The following CYRIA variants were observed in gnomAD, a reference collection of about 807,000 sequenced individuals.
CYRIA encodes CYFIP related Rac1 interactor A.
Under a neutral mutation model 43.9 loss-of-function variants are expected in CYRIA, and 15 were observed. That is an observed-to-expected ratio of 0.34 (90% CI 0.23 to 0.53). The LOEUF is 0.53. Ranked by LOEUF, CYRIA falls within the 20% of genes least tolerant of loss-of-function variation. The probability of loss-of-function intolerance (pLI) is 0.94; values close to 1 mark genes in which losing one functional copy is unlikely to be tolerated. For missense variants in CYRIA, 236 were observed against 394.2 expected (o/e 0.60, Z 3.40); for synonymous variants, 117 against 136.0 (o/e 0.86, Z 0.97).
At chr2:16,561,924 C>T (rs1666750098) in intron 6 of CYRIA, 81 bp downstream of exon 6, 1 of 1,377,224 alleles carries the variant, frequency 7.3e-7, no homozygotes, top group Non-Finnish European at 9.9e-7. Flanking sequence ...ACCCACCCAC[C>T]CCACAGCACT....
chr2:16,584,988 T>C (rs1667675138), intron 3 of CYRIA, among the ~76,000 whole-genome samples: 1 of 152,172 alleles, frequency 6.6e-6, no homozygotes, highest in African/African-American at 2.4e-5. Flanking sequence ...TGAGTGACTA[T>C]TGTCCTTCAC....
intron 1 of CYRIA, among the ~76,000 whole-genome samples, chr2:16,656,344 C>A (rs1023217896): frequency 3.9e-5 from 6 of 152,124 alleles, no homozygotes; most frequent in African/African-American, 1.4e-4. Flanking sequence ...CCACACACAT[C>A]CATTCAAACC....
At chr2:16,561,583 G>GTATA (rs1328319400) in intron 6 of CYRIA, 50 bp from the exon 7 acceptor site, 1 of 1,387,020 alleles carries the variant, frequency 7.2e-7, no homozygotes, top group Admixed American at 1.7e-5. Flanking sequence ...ATCAGATGGG[G>GTATA]TATATGCATT....
At chr2:16,644,297 C>T (rs954895464) in intron 1 of CYRIA, among the ~76,000 whole-genome samples, 4 of 152,218 alleles carry the variant, frequency 2.6e-5, no homozygotes, top group African/African-American at 7.2e-5. Context: ...GTGAATCACA[C>T]ATCCCAATTA....
At chr2:16,660,348 T>C (rs1670215356) in intron 1 of CYRIA, among the ~76,000 whole-genome samples, 1 of 152,202 alleles carries the variant, frequency 6.6e-6, no homozygotes, top group African/African-American at 2.4e-5. Flanking sequence ...TGTTTCTGTT[T>C]CGTGCTCCCT....
rs1202506150 is a variant in CYRIA at position 16,551,729 on chromosome 2, C to G, written c.*1207G>C. The G allele has an allele frequency of 2.6e-5, 4 of 152,086 alleles. No individual in the cohort carries two copies. Among genetic ancestry groups the G allele is most frequent in the Non-Finnish European group, 5.9e-5 (4 of 68,010 alleles). 9.4% of individuals were successfully genotyped at this position (152,086 alleles called of 1,614,324 possible). A position where few individuals can be genotyped will look rare whatever the true frequency, so the allele number is the denominator to read the frequency against. Reference sequence around the variant, plus strand: ...AGAAGGGCGGAGTCAGTCATTTTATCGGCATTAACCTTACAGGGCTCTTGA... The same window carrying G: ...AGAAGGGCGGAGTCAGTCATTTTATGGGCATTAACCTTACAGGGCTCTTGA... On this transcript the variant is annotated 3_prime_UTR_variant, in exon 12 of 12. Transcript: ENST00000381323.
chr2:16,627,268 G>A (rs369864418), intron 1 of CYRIA, among the ~76,000 whole-genome samples: 38 of 106,020 alleles, frequency 3.6e-4, no homozygotes, highest in African/African-American at 9.5e-4. Context: ...CCCACCCTCC[G>A]GGGTGGGCAA....
intron 1 of CYRIA, among the ~76,000 whole-genome samples, chr2:16,658,204 G>A (rs779263574): frequency 9.9e-5 from 15 of 152,104 alleles, no homozygotes; most frequent in Non-Finnish European, 1.8e-4. Context: ...TTGAAAGCTC[G>A]AAAGCTAGAA....
At chr2:16,629,014 C>T (rs1436455011) in intron 1 of CYRIA, among the ~76,000 whole-genome samples, 11 of 152,130 alleles carry the variant, frequency 7.2e-5, no homozygotes, top group Non-Finnish European at 4.4e-5. Context: ...AACCCTAATA[C>T]CCAGCTGTTC....
At chr2:16,563,231 G>A (rs1666812440) in intron 5 of CYRIA, among the ~76,000 whole-genome samples, 1 of 152,134 alleles carries the variant, frequency 6.6e-6, no homozygotes, top group Non-Finnish European at 1.5e-5. Flanking sequence ...TTCTATCTGA[G>A]AGTCATCAGA....
At chr2:16,579,135 A>C (rs2103442753) in intron 3 of CYRIA, among the ~76,000 whole-genome samples, 1 of 152,358 alleles carries the variant, frequency 6.6e-6, no homozygotes, top group South Asian at 2.1e-4. Context: ...AAAACAAAGC[A>C]AACAATAACT....
chr2:16,577,339 C>A (rs1572473579), intron 3 of CYRIA, among the ~76,000 whole-genome samples: 2 of 152,118 alleles, frequency 1.3e-5, no homozygotes, highest in East Asian at 3.9e-4. Context: ...AGATATATAT[C>A]TGTAACACAT....
At chr2:16,579,261 A>G (rs139204011) in intron 3 of CYRIA, among the ~76,000 whole-genome samples, 162 of 152,202 alleles carry the variant, frequency 1.1e-3, no homozygotes, top group African/African-American at 3.7e-3. Flanking sequence ...ATTTGTTTCT[A>G]ATAGACTTGA....
intron 2 of CYRIA, among the ~76,000 whole-genome samples, chr2:16,603,001 C>G (rs533077344): frequency 6.6e-6 from 1 of 152,164 alleles, no homozygotes; most frequent in South Asian, 2.1e-4. Flanking sequence ...CTTCCTGACA[C>G]CAGTCTTGTC....
At chr2:16,589,644 A>G (rs1277076876) in intron 2 of CYRIA, among the ~76,000 whole-genome samples, 1 of 152,164 alleles carries the variant, frequency 6.6e-6, no homozygotes, top group African/African-American at 2.4e-5. Flanking sequence ...TTAATCAGAT[A>G]AAAGTATAAA....
At chr2:16,608,300 A>C (rs1202576365) in intron 2 of CYRIA, among the ~76,000 whole-genome samples, 1 of 152,242 alleles carries the variant, frequency 6.6e-6, no homozygotes, top group East Asian at 1.9e-4. Context: ...TTGGGTGATT[A>C]GCCCTTTTGT....
At chr2:16,633,841 T>C (rs772657100) in intron 1 of CYRIA, among the ~76,000 whole-genome samples, 6 of 152,166 alleles carry the variant, frequency 3.9e-5, no homozygotes, top group Non-Finnish European at 7.3e-5. Flanking sequence ...ACCACCTTCA[T>C]GATAAAGTCC....
At position 16,552,228 on chromosome 2, in the gene CYRIA, C is replaced by T. The variant is rs1038436320; in HGVS notation, c.*708G>A. On this transcript the variant is annotated 3_prime_UTR_variant, in exon 12 of 12. Coordinates refer to ENST00000381323, the MANE Select transcript of CYRIA (RefSeq NM_030797.4). ...GAGGACCTGTCTCCCAGTTCCAAGACAGCCACCTTCATCAGTCCAGTGGCA... is the reference window on the plus strand; with the variant it reads ...GAGGACCTGTCTCCCAGTTCCAAGATAGCCACCTTCATCAGTCCAGTGGCA... The T allele has an allele frequency of 1.3e-5, 2 of 152,124 alleles. No homozygotes were observed. Among genetic ancestry groups the T allele is most frequent in the Non-Finnish European group, 2.9e-5 (2 of 68,026 alleles). 9.4% of individuals were successfully genotyped at this position (152,124 alleles called of 1,614,324 possible). A position where few individuals can be genotyped will look rare whatever the true frequency, so the allele number is the denominator to read the frequency against.
At chr2:16,643,368 T>C (rs1669732084) in intron 1 of CYRIA, among the ~76,000 whole-genome samples, 1 of 152,146 alleles carries the variant, frequency 6.6e-6, no homozygotes, top group Non-Finnish European at 1.5e-5. Context: ...GGCCTGGAGA[T>C]ACAGTCTTCT....
Sources: gnomAD v4.1 joint callset for allele counts (sites outside exome capture counted in the v4.1 genomes callset) on GRCh38, gnomAD v4.1.1 for gene constraint, MANE v1.5 for transcripts, NCBI Gene and HGNC (gene_info 2026-07-23, HGNC 2026-07-21) for gene names.